ATRX: variants seen among roughly 807,000 people sequenced by gnomAD.
ATRX encodes ATRX chromatin remodeler.
In ATRX, 12 loss-of-function variants were observed where a neutral mutation model predicts 172.6. The ratio of observed to expected loss-of-function variants is 0.07; its 90% CI spans 0.04 to 0.11. ATRX has a LOEUF of 0.11. ATRX is among the 10% of genes least tolerant of loss of function. The probability of loss-of-function intolerance (pLI) is 1.00; values close to 1 mark genes in which losing one functional copy is unlikely to be tolerated. For missense variants in ATRX, 1,368 were observed against 1,767.4 expected (o/e 0.77, Z 4.05); for synonymous variants, 674 against 594.7 (o/e 1.13, Z -1.94).
chrX:77,766,092 T>G (rs1457996992), intron 1 of ATRX, among the ~76,000 whole-genome samples: 1 of 112,664 alleles, frequency 8.9e-6, no homozygotes, highest in Non-Finnish European at 1.9e-5. Context: ...TCTACCTCTT[T>G]CTACACAGAC....
chrX:77,671,196 A>ATATATATATAT (rs2070592866), intron 10 of ATRX, among the ~76,000 whole-genome samples: 1 of 88,170 alleles, frequency 1.1e-5, no homozygotes, highest in African/African-American at 4.1e-5. Context: ...ATATATATAT[A>ATATATATATAT]AAACTAAGGC....
chrX:77,749,810 G>A (rs1433353500), intron 1 of ATRX, among the ~76,000 whole-genome samples: 1 of 111,053 alleles, frequency 9.0e-6, no homozygotes, highest in East Asian at 2.8e-4. Context: ...CTGTCCAGCC[G>A]TGGACATGAG....
chrX:77,737,252 G>A (rs981565839), intron 1 of ATRX, among the ~76,000 whole-genome samples: 29 of 109,563 alleles, frequency 2.6e-4, no homozygotes, highest in East Asian at 2.9e-4. Flanking sequence ...GTGAAACCCC[G>A]TCTCTACTAA....
chrX:77,591,206 C>G (rs978129794), intron 26 of ATRX, among the ~76,000 whole-genome samples: 1 of 111,723 alleles, frequency 9.0e-6, no homozygotes, highest in Non-Finnish European at 1.9e-5. Context: ...TGTTCCCTTA[C>G]CCTCTCCTTT....
At chrX:77,606,984 T>G (rs782107903) in intron 22 of ATRX, among the ~76,000 whole-genome samples, 1 of 111,240 alleles carries the variant, frequency 9.0e-6, no homozygotes, top group East Asian at 2.8e-4. Context: ...AGGAACATAC[T>G]TCAACATATT....
chrX:77,624,089 G>A (rs782806460), intron 19 of ATRX, among the ~76,000 whole-genome samples: 8 of 111,842 alleles, frequency 7.2e-5, no homozygotes, highest in African/African-American at 1.9e-4. Flanking sequence ...GATCTGGGCC[G>A]GGTGCGGTGG....
chrX:77,654,816 G>T (rs1392430292), intron 13 of ATRX, among the ~76,000 whole-genome samples: 1 of 111,994 alleles, frequency 8.9e-6, no homozygotes, highest in African/African-American at 3.2e-5. Flanking sequence ...CAAAAGAAAT[G>T]AAAGCAAGGA....
At position 77,505,304 on chromosome X, in the gene ATRX, A is replaced by G. The variant is rs368976967; in HGVS notation, c.*3047T>C. The G allele has an allele frequency of 5.8e-6, 1 of 172,612 alleles. No individual in the cohort carries two copies. The highest frequency in any genetic ancestry group is 8.2e-5 in the East Asian group (1 of 12,237). 14.2% of individuals were successfully genotyped at this position (172,612 alleles called of 1,213,427 possible). On this transcript the variant is annotated 3_prime_UTR_variant, in exon 35 of 35. Coordinates refer to ENST00000373344, the MANE Select transcript of ATRX (RefSeq NM_000489.6). Reference sequence around the variant, plus strand: ...TAATGGAGGGAAAATGAACATAGCTAAGGGAAGGCTACAAAATATTCAGCT... The same window carrying G: ...TAATGGAGGGAAAATGAACATAGCTGAGGGAAGGCTACAAAATATTCAGCT...
chrX:77,623,729 G>C (rs1602913086), intron 19 of ATRX, among the ~76,000 whole-genome samples: 1 of 111,763 alleles, frequency 8.9e-6, no homozygotes, highest in Non-Finnish European at 1.9e-5. Flanking sequence ...TCATATCAGG[G>C]ATGCAGGGAT....
chrX:77,770,138 T>C (rs1160649532), intron 1 of ATRX, among the ~76,000 whole-genome samples: 1 of 108,479 alleles, frequency 9.2e-6, no homozygotes, highest in Non-Finnish European at 1.9e-5. Flanking sequence ...AGTCTCACTC[T>C]GTCACCCAGG....
chrX:77,753,844 A>G (rs1557188776), intron 1 of ATRX, among the ~76,000 whole-genome samples: 1 of 111,590 alleles, frequency 9.0e-6, no homozygotes. Flanking sequence ...TCTGTAGGTT[A>G]CTATTAGGTC....
rs782446684 is a variant in ATRX, at chrX:77,683,577, G to C, written c.1679C>G (p.Ser560Cys). The change falls in exon 9 of 35, where the codon TCT becomes TGT. Residue 560 changes from serine to cysteine, a missense_variant. Physicochemically the swap from Ser to Cys is moderately radical, Grantham distance 112. This residue lies in a region of ATRX where 843 missense variants were observed against 643.1 expected (regional missense o/e 1.31). Transcript: ENST00000373344. The stretch of plus-strand genomic sequence containing the variant: ...TTTTGAAGAAATATTTAATTTTACA[G>C]ATGAACTCTCCACTTCTTGTTCAGT... ...SGTEQEVESS[S>C]VKLNISSKDN... 23 of 1,209,254 alleles carry C rather than the reference G, an allele frequency of 1.9e-5. No individual in the cohort carries two copies. Among genetic ancestry groups the C allele is most frequent in the Non-Finnish European group, 1.9e-5 (17 of 894,741 alleles).
intron 1 of ATRX, among the ~76,000 whole-genome samples, chrX:77,737,886 G>T (rs1379699313): frequency 9.0e-6 from 1 of 111,379 alleles, no homozygotes; most frequent in Non-Finnish European, 1.9e-5. Flanking sequence ...TTTGTAAAGG[G>T]TCCACATGTC....
chrX:77,778,555 T>A (rs1456905771), intron 1 of ATRX, among the ~76,000 whole-genome samples: 2 of 109,532 alleles, frequency 1.8e-5, no homozygotes, highest in Non-Finnish European at 3.8e-5. Context: ...ATCCCATCTC[T>A]ACTAAAAATA....
rs1289450931 is a variant in ATRX, at chrX:77,508,201, TA to T, written c.*149del. 44,303 of 432,246 alleles carry T rather than the reference TA, an allele frequency of 0.1. No homozygotes were observed. The highest frequency in any genetic ancestry group is 0.12 in the East Asian group (1,859 of 15,510). 35.6% of individuals were successfully genotyped at this position (432,246 alleles called of 1,213,427 possible). On this transcript the variant is annotated 3_prime_UTR_variant, in exon 35 of 35. Coordinates refer to ENST00000373344, the MANE Select transcript of ATRX (RefSeq NM_000489.6). ...TCAGGAAGAAATGGTATGCCCTATT[TA>T]AAAAAAAAAAAAGTAAAACTAATAT...
At chrX:77,616,216 G>A in intron 22 of ATRX, 1 of 837,231 alleles carries the variant, frequency 1.2e-6, no homozygotes, top group African/African-American at 2.2e-5. Flanking sequence ...TTCAACCTTT[G>A]TTAATTAAAT....
intron 1 of ATRX, among the ~76,000 whole-genome samples, chrX:77,734,022 TG>T (rs2074419968): frequency 9.2e-6 from 1 of 108,874 alleles, no homozygotes; most frequent in East Asian, 2.9e-4. Flanking sequence ...GGCAACATGG[TG>T]AAACTCCATC....
chrX:77,545,735 A>G (rs1190426123), intron 30 of ATRX, among the ~76,000 whole-genome samples: 2 of 112,049 alleles, frequency 1.8e-5, no homozygotes, highest in African/African-American at 6.5e-5. Flanking sequence ...ATAAAAATGC[A>G]AAGGATGATA....
At chrX:77,572,397 G>A (rs1019332441) in intron 28 of ATRX, among the ~76,000 whole-genome samples, 1 of 110,911 alleles carries the variant, frequency 9.0e-6, no homozygotes, top group Admixed American at 9.6e-5. Context: ...GAAATTCTTC[G>A]GGTCCCTAGC....
Sources: allele counts gnomAD v4.1 joint callset (sites outside exome capture counted in the v4.1 genomes callset), GRCh38; gene constraint gnomAD v4.1.1; regional missense constraint gnomAD v4.1.1; transcripts MANE v1.5; gene names NCBI Gene and HGNC (gene_info 2026-07-23, HGNC 2026-07-21).